SH2B2: variants seen among roughly 807,000 people sequenced by gnomAD.
The protein encoded by SH2B2 is SH2B adapter protein 2.
Under a neutral mutation model 35.7 loss-of-function variants are expected in SH2B2, and 37 were observed. The observed-to-expected ratio is 1.04, with a 90% CI of 0.80 to 1.36. The LOEUF is 1.36. Among genes scored for constraint, SH2B2 ranks in the 40% most tolerant of loss-of-function variants. The pLI is 0.00. For synonymous variants in SH2B2, 383 were observed against 376.4 expected, an observed-to-expected ratio of 1.02 and a Z score of -0.20; for missense variants, 852 against 817.7, an observed-to-expected ratio of 1.04 and a Z score of -0.51.
chr7:102,314,043 C>G (rs1304686445), intron 4 of SH2B2, among the ~76,000 whole-genome samples: 5 of 152,282 alleles, frequency 3.3e-5, no homozygotes, highest in African/African-American at 1.2e-4. Context: ...GACTGAGAGA[C>G]AAGTAGGCAG....
Position 102,300,650 on chromosome 7 carries a change from G to A in SH2B2, c.100G>A (p.Ala34Thr). ...RQFCELHAQAAAVDFAHKFCR... is the reference protein window; with the variant it reads ...RQFCELHAQATAVDFAHKFCR... Reference sequence around the variant, plus strand: ...GTTCTGCGAGCTGCATGCGCAGGCGGCCGCCGTGGACTTTGCGCACAAGTT... The same window carrying A: ...GTTCTGCGAGCTGCATGCGCAGGCGACCGCCGTGGACTTTGCGCACAAGTT... The change falls in exon 2 of 9, where the codon GCC (alanine) becomes ACC (threonine). Residue 34 changes from alanine to threonine, a missense_variant. Around this residue, in one of 3 missense-constraint regions of SH2B2, gnomAD observed 294 missense variants for 286.6 expected, o/e 1.03. Coordinates refer to ENST00000444095, the MANE Select transcript of SH2B2 (RefSeq NM_001359228.2). 2.6e-6 allele frequency: 4 copies of A among 1,549,670 alleles called. No homozygotes were observed. Among genetic ancestry groups the A allele is most frequent in the Non-Finnish European group, 2.6e-6 (3 of 1,145,350 alleles).
intron 6 of SH2B2, among the ~76,000 whole-genome samples, chr7:102,315,198 A>G (rs1793776223): frequency 6.6e-6 from 1 of 151,548 alleles, no homozygotes; most frequent in African/African-American, 2.4e-5. Flanking sequence ...CAAAAAAAAA[A>G]GAAAGAAAAG....
In SH2B2 at chr7:102,314,627, C is replaced by T. The variant is rs933673556; in HGVS notation, c.1131C>T (p.Thr377=). Residue 377 remains threonine (T), a synonymous_variant, in exon 6 of 9, where the codon ACC becomes ACT. Coordinates refer to ENST00000444095, the MANE Select transcript of SH2B2 (RefSeq NM_001359228.2). ...CCCTGATCCACGTCCCGCTAGAGAC[C>T]TTTCTGCAGACCCTGGAATCCCCGG... ...RESLIHVPLE[T]FLQTLESPGG... The T allele has an allele frequency of 2.5e-5, 10 of 398,540 alleles. No individual in the cohort carries two copies. Among genetic ancestry groups the T allele is most frequent in the Non-Finnish European group, 4.0e-5 (9 of 226,132 alleles). 24.7% of individuals were successfully genotyped at this position (398,540 alleles called of 1,614,324 possible).
At chr7:102,288,954 C>T (rs887106248) in intron 1 of SH2B2, among the ~76,000 whole-genome samples, 2 of 152,342 alleles carry the variant, frequency 1.3e-5, no homozygotes, top group East Asian at 3.9e-4. Context: ...CTGCTGTCTT[C>T]CCGGGGCTAC....
intron 2 of SH2B2, among the ~76,000 whole-genome samples, chr7:102,304,762 C>G (rs529930473): frequency 4.3e-4 from 66 of 152,376 alleles, no homozygotes; most frequent in African/African-American, 1.4e-3. Context: ...TCTGTCTGCT[C>G]TGTCCCCAGC....
At chr7:102,303,859 G>A (rs1461164694) in intron 2 of SH2B2, among the ~76,000 whole-genome samples, 1 of 152,132 alleles carries the variant, frequency 6.6e-6, no homozygotes, top group African/African-American at 2.4e-5. Flanking sequence ...GGAGCAGCTG[G>A]TGCCCGCCCC....
chr7:102,300,847 G>A lies in SH2B2; in HGVS notation c.297G>A (p.Pro99=). The change falls in exon 2 of 9, where the codon CCG becomes CCA. Residue 99 remains proline (P), a synonymous_variant. Coordinates refer to ENST00000444095, the MANE Select transcript of SH2B2 (RefSeq NM_001359228.2). ...CCGTGAGCGCAGAGGCCATGGAGCCGGAGCTCGCGGACACCTCTGCACTCA... is the reference window on the plus strand; with the variant it reads ...CCGTGAGCGCAGAGGCCATGGAGCCAGAGCTCGCGGACACCTCTGCACTCA... ...GAAVSAEAME[P]ELADTSALKA... The A allele has an allele frequency of 6.9e-7, 1 of 1,458,576 alleles. No homozygotes were observed. Among genetic ancestry groups the A allele is most frequent in the Non-Finnish European group, 9.1e-7 (1 of 1,104,720 alleles). 90.4% of individuals were successfully genotyped at this position (1,458,576 alleles called of 1,614,324 possible). A position where few individuals can be genotyped will look rare whatever the true frequency, so the allele number is the denominator to read the frequency against.
chr7:102,307,903 T>G (rs1338987053), intron 3 of SH2B2, among the ~76,000 whole-genome samples: 1 of 151,948 alleles, frequency 6.6e-6, no homozygotes, highest in Non-Finnish European at 1.5e-5. Context: ...CTTGAGTAGC[T>G]GGGACCAAAG....
At chr7:102,312,140 G>A (rs112944108) in intron 4 of SH2B2, among the ~76,000 whole-genome samples, 1 of 151,714 alleles carries the variant, frequency 6.6e-6, no homozygotes, top group Non-Finnish European at 1.5e-5. Context: ...TTGGGAGGCC[G>A]AGGCAGGCGG....
intron 2 of SH2B2, among the ~76,000 whole-genome samples, chr7:102,303,093 T>G (rs143785752): frequency 1.1e-4 from 16 of 151,866 alleles, no homozygotes; most frequent in Admixed American, 5.9e-4. Context: ...ATTACATGCC[T>G]GTAATCACAG....
At chr7:102,309,353 C>T (rs1049385610) in intron 4 of SH2B2, 2 of 272,154 alleles carry the variant, frequency 7.3e-6, no homozygotes, top group Admixed American at 5.0e-5. Flanking sequence ...CTCTCTCTCT[C>T]TCTTTTTTTT....
At position 102,317,314 on chromosome 7, in the gene SH2B2, C is replaced by G; in HGVS notation, c.1314C>G (p.Asn438Lys). 1 of 1,613,296 alleles carries G rather than the reference C, an allele frequency of 6.2e-7. No individual in the cohort carries two copies. The highest frequency in any genetic ancestry group is 8.5e-7 in the Non-Finnish European group (1 of 1,179,316). ...AQLVLAGGPR[N>K]HGLFVIRQSE... is the part of the protein sequence containing the mutation. ...TGGTTCTGGCAGGGGGGCCCCGGAACCACGGCCTCTTCGTGATCCGCCAAA... is the reference window on the plus strand; with the variant it reads ...TGGTTCTGGCAGGGGGGCCCCGGAAGCACGGCCTCTTCGTGATCCGCCAAA... Residue 438 changes from asparagine to lysine, a missense_variant, in exon 7 of 9, where the codon AAC becomes AAG. By Grantham distance (94) the Asn-to-Lys change is moderately conservative (BLOSUM62 0). Around this residue, in one of 3 missense-constraint regions of SH2B2, gnomAD observed 556 missense variants for 514.5 expected, o/e 1.08. Coordinates refer to ENST00000444095, the MANE Select transcript of SH2B2 (RefSeq NM_001359228.2).
intron 1 of SH2B2, among the ~76,000 whole-genome samples, chr7:102,292,578 G>T (rs972000661): frequency 1.3e-5 from 2 of 151,590 alleles, no homozygotes; most frequent in Admixed American, 6.6e-5. Context: ...TGTGCCTGTA[G>T]TCCCAGCCAC....
At chr7:102,285,406 A>G, upstream of SH2B2, 1 of 661,202 alleles carries the variant, frequency 1.5e-6, no homozygotes, top group Non-Finnish European at 2.7e-6. Flanking sequence ...GTTCCCAACC[A>G]GGCGTGCAGG....
chr7:102,317,304 G>A lies in SH2B2; in HGVS notation c.1304G>A (p.Gly435Glu), dbSNP rs782579624. 5 of 1,613,574 alleles carry A rather than the reference G, an allele frequency of 3.1e-6. No individual in the cohort carries two copies. The highest frequency in any genetic ancestry group is 2.7e-5 in the African/African-American group (2 of 75,054). ...VKAAQLVLAGGPRNHGLFVIR... is the reference protein window; with the variant it reads ...VKAAQLVLAGEPRNHGLFVIR... ...GCTGCTCAACTGGTTCTGGCAGGGGGGCCCCGGAACCACGGCCTCTTCGTG... is the reference window on the plus strand; with the variant it reads ...GCTGCTCAACTGGTTCTGGCAGGGGAGCCCCGGAACCACGGCCTCTTCGTG... The change falls in exon 7 of 9, where the codon GGG (glycine) becomes GAG (glutamate). Residue 435 changes from glycine to glutamate, a missense_variant. Around this residue, in one of 3 missense-constraint regions of SH2B2, gnomAD observed 556 missense variants for 514.5 expected, o/e 1.08. Transcript: ENST00000444095.
chr7:102,306,506 G>A (rs782738972), intron 2 of SH2B2, among the ~76,000 whole-genome samples: 1 of 152,200 alleles, frequency 6.6e-6, no homozygotes, highest in Non-Finnish European at 1.5e-5. Context: ...TTACAGGCAT[G>A]AGCCACCATG....
In SH2B2 at chr7:102,297,919, G is replaced by C. The variant is rs1554552805; in HGVS notation, c.-29-2603G>C. Among the ~76,000 whole-genome samples, 8 of 152,202 alleles carry C rather than the reference G, an allele frequency of 5.3e-5. No homozygotes were observed. On this transcript the variant is annotated intron_variant, in intron 1 of 8. Transcript: ENST00000444095. This position sits in a 1 kb window ranked among gnomAD's most constrained non-coding sequence, Gnocchi z 4.3. The stretch of plus-strand genomic sequence containing the variant: ...TCAGAGGGAGTATTGTCATCAGAGG[G>C]ATTTGTCATTCTCAAGAGTGGTCAG...
upstream of SH2B2, among the ~76,000 whole-genome samples, chr7:102,285,512 TG>T (rs1322844027): frequency 1.3e-5 from 2 of 152,146 alleles, no homozygotes; most frequent in Non-Finnish European, 2.9e-5. Context: ...AGCCGAGATG[TG>T]GGGCAGGGAA....
chr7:102,286,217 CA>C (rs1449824091), upstream of SH2B2, among the ~76,000 whole-genome samples: 2 of 152,232 alleles, frequency 1.3e-5, no homozygotes, highest in Non-Finnish European at 2.9e-5. Flanking sequence ...GCACTGCGCT[CA>C]GGGGGGCCGT....
Sources: gnomAD v4.1 joint callset for allele counts (sites outside exome capture counted in the v4.1 genomes callset) on GRCh38, gnomAD v4.1.1 for gene constraint, gnomAD v4.1.1 regional missense constraint, Gnocchi (gnomAD v3.1) non-coding constraint, MANE v1.5 for transcripts, NCBI Gene and HGNC (gene_info 2026-07-23, HGNC 2026-07-21) for gene names.